OR9Q1: variants seen among roughly 807,000 people sequenced by gnomAD.
The protein encoded by OR9Q1 is olfactory receptor 9Q1.
For synonymous variants in OR9Q1, 153 were observed against 148.6 expected (o/e 1.03, Z -0.22); for missense variants, 374 against 378.8 (o/e 0.99, Z 0.11).
intron 2 of OR9Q1, among the ~76,000 whole-genome samples, chr11:58,126,166 T>C (rs1053366619): frequency 6.6e-6 from 1 of 152,214 alleles, no homozygotes; most frequent in African/African-American, 2.4e-5. Flanking sequence ...GTCAACTCTC[T>C]AACCACTCCA....
At chr11:58,061,273 A>G (rs1853378289) in intron 2 of OR9Q1, among the ~76,000 whole-genome samples, 1 of 152,184 alleles carries the variant, frequency 6.6e-6, no homozygotes, top group South Asian at 2.1e-4. Context: ...GCAAAATTAC[A>G]CAGAGGACGT....
At chr11:58,112,438 C>T (rs992449019) in intron 2 of OR9Q1, among the ~76,000 whole-genome samples, 5 of 152,124 alleles carry the variant, frequency 3.3e-5, no homozygotes, top group Non-Finnish European at 7.4e-5. Flanking sequence ...TGTCTCACTA[C>T]CTATTAGGAT....
chr11:58,099,182 G>T (rs1853760245), intron 2 of OR9Q1, among the ~76,000 whole-genome samples: 1 of 151,064 alleles, frequency 6.6e-6, no homozygotes, highest in Non-Finnish European at 1.5e-5. Context: ...TATCAAATAG[G>T]TGAGGTTGCT....
chr11:58,119,439 G>C, intron 2 of OR9Q1: 1 of 1,595,184 alleles, frequency 6.3e-7, no homozygotes, highest in Non-Finnish European at 8.6e-7. Flanking sequence ...GATTATTCTT[G>C]GCCATGGAGA....
At position 58,116,714 on chromosome 11, in the gene OR9Q1, G is replaced by T. The variant is rs1242968817; in HGVS notation, c.-15+60767G>T. On this transcript the variant is annotated intron_variant, in intron 2 of 2. Coordinates refer to ENST00000335397, the MANE Select transcript of OR9Q1 (RefSeq NM_001005212.4). ...TTTACATGTTCAGCTTCACAATGCT[G>T]ATGGAAAATTTTTATTAGCTCAACA... The T allele has an allele frequency of 2.0e-5, 3 of 152,160 alleles. No individual in the cohort carries two copies. The East Asian group carries it at 5.8e-4, about 29-fold the overall frequency. The allele number at this position is 152,160 out of a possible 1,614,324, so 9.4% of individuals were successfully genotyped here.
intron 2 of OR9Q1, among the ~76,000 whole-genome samples, chr11:58,161,041 C>T (rs1854452230): frequency 6.9e-6 from 1 of 145,694 alleles, no homozygotes; most frequent in Non-Finnish European, 1.5e-5. Flanking sequence ...ACTTCCAACT[C>T]TATGTTGAAT....
At chr11:58,117,764 A>G (rs940664664) in intron 2 of OR9Q1, 1 of 152,164 alleles carries the variant, frequency 6.6e-6, no homozygotes, top group Non-Finnish European at 1.5e-5. Context: ...TTCAGAAATG[A>G]GAGAGCTTGA....
At chr11:58,176,109 T>C (rs982759119) in intron 2 of OR9Q1, among the ~76,000 whole-genome samples, 1 of 152,230 alleles carries the variant, frequency 6.6e-6, no homozygotes, top group Non-Finnish European at 1.5e-5. Context: ...GGGTACCCAG[T>C]TGGCCCTCCT....
At chr11:58,046,619 T>C (rs576414602) in intron 1 of OR9Q1, among the ~76,000 whole-genome samples, 2 of 152,262 alleles carry the variant, frequency 1.3e-5, no homozygotes, top group East Asian at 3.9e-4. Context: ...TCCAGCACTT[T>C]GGGAGGCTGA....
intron 2 of OR9Q1, among the ~76,000 whole-genome samples, chr11:58,174,203 G>T (rs181826564): frequency 2.0e-5 from 3 of 152,284 alleles, no homozygotes; most frequent in East Asian, 3.9e-4. Context: ...TGCAAGCAAA[G>T]ACTTAAAATG....
chr11:58,037,687 ATATTTTTTTTTTTTTTTTTTTTTTTTTTT>A (rs1853119356), intron 1 of OR9Q1, among the ~76,000 whole-genome samples: 3 of 6,536 alleles, frequency 4.6e-4, no homozygotes, highest in African/African-American at 7.0e-4. Flanking sequence ...ATATATATAT[ATATTTTTTTTTTTTTTTTTTTTTTTTTTT>A]TTTTTTTTTT....
At chr11:58,118,819 G>A (rs1853989029) in intron 2 of OR9Q1, 1 of 1,613,922 alleles carries the variant, frequency 6.2e-7, no homozygotes, top group Non-Finnish European at 8.5e-7. Context: ...GGAGGCATTG[G>A]CCAAAATCAC....
rs201346743 is a variant in OR9Q1, at chr11:58,119,416, G to A, written c.-14-60015G>A. 4.1e-5 allele frequency: 66 copies of A among 1,611,540 alleles called. No homozygotes were observed. Among genetic ancestry groups the A allele is most frequent in the Non-Finnish European group, 5.1e-5 (60 of 1,178,488 alleles). On this transcript the variant is annotated intron_variant, in intron 2 of 2. Transcript: ENST00000335397. Reference sequence around the variant, plus strand: ...CATAAAGCCCATGAGAATGAATTCGGTTACTCTGGTGAGATTATTCTTGGC... The same window carrying A: ...CATAAAGCCCATGAGAATGAATTCGATTACTCTGGTGAGATTATTCTTGGC...
intron 2 of OR9Q1, among the ~76,000 whole-genome samples, chr11:58,058,768 C>T (rs979661107): frequency 2.0e-5 from 3 of 152,180 alleles, no homozygotes; most frequent in Non-Finnish European, 4.4e-5. Context: ...TCTGCTTCTG[C>T]AGCTGCTGAT....
intron 2 of OR9Q1, among the ~76,000 whole-genome samples, chr11:58,081,598 T>G (rs1035964036): frequency 1.1e-4 from 17 of 152,330 alleles, no homozygotes; most frequent in African/African-American, 3.6e-4. Context: ...ATATGTTTGT[T>G]GGCTGCATAA....
intron 1 of OR9Q1, among the ~76,000 whole-genome samples, chr11:58,053,729 G>A (rs969254333): frequency 7.4e-6 from 1 of 135,832 alleles, no homozygotes; most frequent in Non-Finnish European, 1.7e-5. Context: ...TATCTTTTCA[G>A]TGTATTCTAA....
intron 2 of OR9Q1, among the ~76,000 whole-genome samples, chr11:58,066,642 C>T (rs1018002638): frequency 6.6e-6 from 1 of 152,172 alleles, no homozygotes; most frequent in Admixed American, 6.5e-5. Flanking sequence ...ATTTTCCTTA[C>T]TTTCAGGCCG....
At chr11:58,063,896 G>T (rs1590566377) in intron 2 of OR9Q1, among the ~76,000 whole-genome samples, 1 of 152,284 alleles carries the variant, frequency 6.6e-6, no homozygotes, top group Middle Eastern at 3.4e-3. Flanking sequence ...GAAATCCAGT[G>T]GAATGGTTTG....
At chr11:58,174,909 C>T (rs1854589675) in intron 2 of OR9Q1, among the ~76,000 whole-genome samples, 1 of 151,070 alleles carries the variant, frequency 6.6e-6, no homozygotes, top group Non-Finnish European at 1.5e-5. Context: ...AGTTCAAGAC[C>T]AGCCTGGACA....
Sources: gnomAD v4.1 joint callset for allele counts (sites outside exome capture counted in the v4.1 genomes callset) on GRCh38, gnomAD v4.1.1 for gene constraint, MANE v1.5 for transcripts, NCBI Gene and HGNC (gene_info 2026-07-23, HGNC 2026-07-21) for gene names.